Variants in GDPD5 observed in about 807,000 individuals in gnomAD.
The protein encoded by GDPD5 is glycerophosphodiester phosphodiesterase 2.
A neutral mutation model predicts 75.1 loss-of-function variants in GDPD5; 48 were observed. That is an observed-to-expected ratio of 0.64 (90% CI 0.51 to 0.81). The LOEUF (loss-of-function observed/expected upper bound fraction) is 0.81, where lower values mean the gene tolerates loss of function less well. Ranked by LOEUF, GDPD5 falls within the 40% of genes least tolerant of loss-of-function variation. The pLI, the probability that GDPD5 is intolerant of heterozygous loss-of-function variation, is 0.00. For missense variants in GDPD5, 706 were observed against 822.6 expected, an observed-to-expected ratio of 0.86 and a Z score of 1.73; for synonymous variants, 336 against 339.0, an observed-to-expected ratio of 0.99 and a Z score of 0.10.
chr11:75,466,168 G>C (rs946847055), intron 3 of GDPD5, among the ~76,000 whole-genome samples: 1 of 152,222 alleles, frequency 6.6e-6, no homozygotes, highest in Non-Finnish European at 1.5e-5. Context: ...CAAGGAGCCA[G>C]GAACCCCATG....
intron 6 of GDPD5, chr11:75,452,242 A>G (rs1435426386): frequency 6.6e-6 from 1 of 152,176 alleles, no homozygotes; most frequent in Non-Finnish European, 1.5e-5. Context: ...TAAGAGCCTC[A>G]CTTGAATCAC....
chr11:75,461,239 G>A (rs1273080519), intron 4 of GDPD5, among the ~76,000 whole-genome samples: 2 of 152,166 alleles, frequency 1.3e-5, no homozygotes, highest in African/African-American at 4.8e-5. Flanking sequence ...TGGGTCTGCA[G>A]TTGAGGGCCA....
chr11:75,521,708 T>C (rs1324002423), intron 1 of GDPD5, among the ~76,000 whole-genome samples: 2 of 152,164 alleles, frequency 1.3e-5, no homozygotes, highest in East Asian at 3.8e-4. Flanking sequence ...AATCCAGGAA[T>C]GTTTCTGAGG....
chr11:75,471,836 C>G (rs1301506313), intron 3 of GDPD5, among the ~76,000 whole-genome samples: 1 of 152,124 alleles, frequency 6.6e-6, no homozygotes, highest in Non-Finnish European at 1.5e-5. Flanking sequence ...TTTATTGCAG[C>G]GATAAATCCC....
In GDPD5 at chr11:75,480,892, C is replaced by T. The variant is rs191245150; in HGVS notation, c.-60-3097G>A. On this transcript the variant is annotated intron_variant, in intron 2 of 16. Transcript: ENST00000336898. ...TGTCCATAAATAACATTTCATTGGA[C>T]GCAGCCATGCTCATTCATTTATGTA... 1.5e-4 allele frequency among the ~76,000 whole-genome samples: 23 copies of T among 152,300 alleles called. No individual in the cohort carries two copies. The East Asian group carries it at 3.5e-3, about 23-fold the overall frequency.
At chr11:75,450,792 A>G (rs1264691570) in intron 6 of GDPD5, 1 of 27,378 alleles carries the variant, frequency 3.7e-5, no homozygotes, top group Admixed American at 5.0e-4. Flanking sequence ...CACTCCACCC[A>G]CCCCCCTCCA....
chr11:75,476,594 G>A (rs1949783539), intron 3 of GDPD5, among the ~76,000 whole-genome samples: 1 of 152,158 alleles, frequency 6.6e-6, no homozygotes, highest in Non-Finnish European at 1.5e-5. Flanking sequence ...GGCCTGCCCT[G>A]TGGCCTTGGG....
In GDPD5 at chr11:75,449,989, G is replaced by A. The variant is rs767964319; in HGVS notation, c.376-6C>T. 6.2e-7 allele frequency: 1 copy of A among 1,612,680 alleles called. No homozygotes were observed. The highest frequency in any genetic ancestry group is 2.2e-5 in the East Asian group (1 of 44,870). ...AGGATGACCACCAGCCCGATCTGGA[G>A]GGGGAAGAGTCACCGGACAGAGGCT... On this transcript the variant is annotated splice_region_variant and splice_polypyrimidine_tract_variant and intron_variant, in intron 6 of 16. Transcript: ENST00000336898.
At chr11:75,466,311 G>A (rs1379054490) in intron 3 of GDPD5, among the ~76,000 whole-genome samples, 1 of 152,158 alleles carries the variant, frequency 6.6e-6, no homozygotes, top group African/African-American at 2.4e-5. Flanking sequence ...GGCAGCGGGG[G>A]TCACTCTAAG....
intron 6 of GDPD5, chr11:75,455,255 C>T (rs1949259819): frequency 2.2e-6 from 1 of 454,160 alleles, no homozygotes; most frequent in Admixed American, 2.4e-5. Context: ...TGTGCCAGCC[C>T]CACCCGGGGT....
chr11:75,447,920 C>T (rs778565287), intron 9 of GDPD5, among the ~76,000 whole-genome samples: 5 of 152,234 alleles, frequency 3.3e-5, no homozygotes, highest in Non-Finnish European at 5.9e-5. Context: ...CAGATCCCCA[C>T]TGGCTGCCTC....
chr11:75,511,999 C>T (rs1950529903), intron 1 of GDPD5, among the ~76,000 whole-genome samples: 1 of 152,142 alleles, frequency 6.6e-6, no homozygotes, highest in African/African-American at 2.4e-5. Context: ...AGTCCTGTGC[C>T]AGCATTTGCT....
intron 2 of GDPD5, among the ~76,000 whole-genome samples, chr11:75,489,853 C>T (rs1950078681): frequency 1.3e-5 from 2 of 152,072 alleles, no homozygotes; most frequent in Admixed American, 6.5e-5. Context: ...ATCTTCCTGC[C>T]TCAGCCTCCC....
intron 14 of GDPD5, among the ~76,000 whole-genome samples, chr11:75,440,869 T>G (rs1948776782): frequency 6.6e-6 from 1 of 152,206 alleles, no homozygotes; most frequent in Non-Finnish European, 1.5e-5. Flanking sequence ...TGCTTCCTAT[T>G]CCTGTCCTTG....
At chr11:75,487,810 A>G (rs1950044761) in intron 2 of GDPD5, among the ~76,000 whole-genome samples, 2 of 152,110 alleles carry the variant, frequency 1.3e-5, no homozygotes, top group South Asian at 4.2e-4. Flanking sequence ...ACCAAAAGTG[A>G]CCTGGCCTTG....
chr11:75,449,296 C>CAG (rs1475728730), intron 8 of GDPD5, among the ~76,000 whole-genome samples, 174 bp from the exon 9 acceptor site: 1 of 152,112 alleles, frequency 6.6e-6, no homozygotes, highest in East Asian at 1.9e-4. Flanking sequence ...TGCATACATG[C>CAG]AGAGAGAGAG....
At chr11:75,478,983 A>G (rs1339000489) in intron 2 of GDPD5, among the ~76,000 whole-genome samples, 1 of 152,198 alleles carries the variant, frequency 6.6e-6, no homozygotes, top group African/African-American at 2.4e-5. Context: ...GAGCTCCCTC[A>G]CCGGGTGGGG....
intron 6 of GDPD5, among the ~76,000 whole-genome samples, chr11:75,456,100 C>T (rs375600565): frequency 4.6e-5 from 7 of 151,980 alleles, no homozygotes; most frequent in South Asian, 2.1e-4. Flanking sequence ...GGAAGGGGTC[C>T]GAGAGAAAAA....
chr11:75,467,175 G>A (rs914881157), intron 3 of GDPD5, among the ~76,000 whole-genome samples: 3 of 152,146 alleles, frequency 2.0e-5, no homozygotes, highest in Non-Finnish European at 4.4e-5. Flanking sequence ...GAAAGAGCAC[G>A]GGCTCTAAAG....
Sources: allele counts gnomAD v4.1 joint callset (sites outside exome capture counted in the v4.1 genomes callset), GRCh38; gene constraint gnomAD v4.1.1; transcripts MANE v1.5; gene names NCBI Gene and HGNC (gene_info 2026-07-23, HGNC 2026-07-21).